C3orf38: variants seen among roughly 807,000 people sequenced by gnomAD.
C3orf38 encodes the protein uncharacterized protein C3orf38.
Under a neutral mutation model 28.3 loss-of-function variants are expected in C3orf38, and 18 were observed. The ratio of observed to expected loss-of-function variants is 0.64; its 90% CI spans 0.44 to 0.94. C3orf38 has a LOEUF of 0.94. Ranked by LOEUF, C3orf38 falls within the 40% of genes least tolerant of loss-of-function variation. C3orf38 has a pLI of 0.00. For synonymous variants in C3orf38, 145 were observed against 138.1 expected (o/e 1.05, Z -0.35); for missense variants, 364 against 396.4 (o/e 0.92, Z 0.69).
rs772773080 is a variant in C3orf38, at chr3:88,156,607, C to T, written c.962C>T (p.Ser321Leu). The T allele has an allele frequency of 6.8e-6, 11 of 1,611,202 alleles. No homozygotes were observed. The highest frequency in any genetic ancestry group is 5.5e-5 in the South Asian group (5 of 90,890). Reference protein sequence around the residue: ...NEVRHNVKQASDSGTGDQV With the variant: ...NEVRHNVKQALDSGTGDQV Reference sequence around the variant, plus strand: ...GTACGACATAATGTAAAGCAGGCTTCGGATAGTGGAACTGGGGACCAAGTT... The same window carrying T: ...GTACGACATAATGTAAAGCAGGCTTTGGATAGTGGAACTGGGGACCAAGTT... Residue 321 changes from serine (S) to leucine (L), a missense_variant, in exon 3 of 3, where the codon TCG becomes TTG. Transcript: ENST00000318887.
Position 88,149,993 on chromosome 3 carries a change from GGGCCCAGT to G in C3orf38, c.-57_-50del. On this transcript the variant is annotated 5_prime_UTR_variant, in exon 1 of 3. Coordinates refer to ENST00000318887, the MANE Select transcript of C3orf38 (RefSeq NM_173824.4). ...ACTTCCGGTGTCTGTTGCCAGGCGC[GGGCCCAGT>G]GGGCCGTAGGGGCGACATTGTTGCC... 2 of 1,606,388 alleles carry G rather than the reference GGGCCCAGT, an allele frequency of 1.2e-6. No individual in the cohort carries two copies. The highest frequency in any genetic ancestry group is 1.7e-6 in the Non-Finnish European group (2 of 1,174,252).
At chr3:88,155,051 G>T (rs142594990) in intron 2 of C3orf38, among the ~76,000 whole-genome samples, 21 of 151,918 alleles carry the variant, frequency 1.4e-4, no homozygotes, top group Non-Finnish European at 2.4e-4. Context: ...GTAGAGACGG[G>T]GTTTCACCAT....
chr3:88,152,970 T>A (rs1707435116), intron 1 of C3orf38, among the ~76,000 whole-genome samples: 1 of 152,140 alleles, frequency 6.6e-6, no homozygotes, highest in Admixed American at 6.5e-5. Flanking sequence ...AATGTAATTC[T>A]TTAAGAGGAA....
rs1441641771 is a variant in C3orf38 at position 88,157,201 on chromosome 3, A to G, written c.*566A>G. ...TAACATTCTTTTTGCAAAAAAGTCC[A>G]ATAATTTAACAGTTGAAGAAAAACT... On this transcript the variant is annotated 3_prime_UTR_variant, in exon 3 of 3. Coordinates refer to ENST00000318887, the MANE Select transcript of C3orf38 (RefSeq NM_173824.4). 1 of 152,252 alleles carries G rather than the reference A, an allele frequency of 6.6e-6. No individual in the cohort carries two copies. Among genetic ancestry groups the G allele is most frequent in the Non-Finnish European group, 1.5e-5 (1 of 68,046 alleles). The allele number at this position is 152,252 out of a possible 1,614,324, so 9.4% of individuals were successfully genotyped here. A position where few individuals can be genotyped will look rare whatever the true frequency, so the allele number is the denominator to read the frequency against.
Position 88,153,329 on chromosome 3 carries a change from A to G in C3orf38, c.233A>G (p.Gln78Arg), listed in dbSNP as rs1707441088. Residue 78 changes from glutamine to arginine, a missense_variant, in exon 2 of 3, where the codon CAG becomes CGG. Coordinates refer to ENST00000318887, the MANE Select transcript of C3orf38 (RefSeq NM_173824.4). ...GTTATATTTAAGTACTTGGCAACAC[A>G]GGGGATTGTTATACCTCCAGCTACT... ...REVIFKYLAT[Q>R]GIVIPPATEK... The G allele has an allele frequency of 1.2e-6, 2 of 1,613,982 alleles. No individual in the cohort carries two copies. Among genetic ancestry groups the G allele is most frequent in the African/African-American group, 2.7e-5 (2 of 74,892 alleles).
rs756219429 is a variant in C3orf38 at position 88,150,158 on chromosome 3, C to A, written c.106C>A (p.Arg36Ser). 1 of 1,614,176 alleles carries A rather than the reference C, an allele frequency of 6.2e-7. No homozygotes were observed. The highest frequency in any genetic ancestry group is 8.5e-7 in the Non-Finnish European group (1 of 1,180,034). The change falls in exon 1 of 3, where the codon CGC becomes AGC. Residue 36 changes from arginine (R) to serine (S), a missense_variant. By Grantham distance (110) the Arg-to-Ser change is moderately radical (BLOSUM62 -1). Transcript: ENST00000318887. ...IMALCDTVTN[R>S]LVQPQDRQDA... ...GGCCCTATGCGACACTGTCACCAAC[C>A]GCCTGGTGCAGCCTCAGGACCGCCA... is the stretch of plus-strand genomic sequence containing the variant.
chr3:88,155,390 C>T (rs1413831450), intron 2 of C3orf38, among the ~76,000 whole-genome samples: 2 of 151,248 alleles, frequency 1.3e-5, no homozygotes, highest in Non-Finnish European at 2.9e-5. Context: ...AAAACACTGC[C>T]ACAATCTGAG....
chr3:88,154,932 T>A (rs1707459775), intron 2 of C3orf38, among the ~76,000 whole-genome samples: 1 of 151,750 alleles, frequency 6.6e-6, no homozygotes. Context: ...TGATCTCAGC[T>A]CACTGCAGCC....
At position 88,156,693 on chromosome 3, in the gene C3orf38, A is replaced by AATT. The variant is rs1179966287; in HGVS notation, c.*59_*60insTTA. On this transcript the variant is annotated 3_prime_UTR_variant, in exon 3 of 3. Transcript: ENST00000318887. ...AGAACTGGGTTTACCTGACCCTCTA[A>AATT]AGCGCTAAGTACTGTCAGCCTGAAA... The AATT allele has an allele frequency of 5.2e-6, 8 of 1,542,238 alleles. No homozygotes were observed. The East Asian group carries it at 1.8e-4, about 35-fold the overall frequency.
Sources: allele counts gnomAD v4.1 joint callset (sites outside exome capture counted in the v4.1 genomes callset), GRCh38; gene constraint gnomAD v4.1.1; transcripts MANE v1.5; gene names NCBI Gene and HGNC (gene_info 2026-07-23, HGNC 2026-07-21).